The following NRP1 variants were observed in gnomAD, a reference collection of about 807,000 sequenced individuals.
The protein encoded by NRP1 is neuropilin-1.
A neutral mutation model predicts 106.7 loss-of-function variants in NRP1; 35 were observed. The observed-to-expected ratio is 0.33, with a 90% CI of 0.25 to 0.43. NRP1 has a LOEUF of 0.43. NRP1 is among the 20% of genes least tolerant of loss of function. The probability of loss-of-function intolerance (pLI) is 1.00; values close to 1 mark genes in which losing one functional copy is unlikely to be tolerated. For missense variants in NRP1, 1,024 were observed against 1,170.4 expected (o/e 0.87, Z 1.83); for synonymous variants, 437 against 417.9 (o/e 1.05, Z -0.56).
chr10:33,314,028 CTCTT>C (rs1466825213), intron 2 of NRP1, among the ~76,000 whole-genome samples: 1 of 147,342 alleles, frequency 6.8e-6, no homozygotes, highest in Non-Finnish European at 1.5e-5. Context: ...TTCTCTCTCT[CTCTT>C]TCTCTCTCTC....
chr10:33,279,892 C>T (rs150836595), intron 2 of NRP1, among the ~76,000 whole-genome samples: 11 of 152,260 alleles, frequency 7.2e-5, no homozygotes, highest in African/African-American at 2.6e-4. Flanking sequence ...TCAATGTCCT[C>T]TCATCATAGT....
rs201182512 is a variant in NRP1, at chr10:33,330,773, C to T, written c.183G>A (p.Pro61=). The T allele has an allele frequency of 5.0e-6, 8 of 1,613,696 alleles. No individual in the cohort carries two copies. The South Asian group carries it at 6.6e-5, about 13-fold the overall frequency. The change falls in exon 2 of 17, where the codon CCG becomes CCA. Residue 61 remains proline, a synonymous_variant. Coordinates refer to ENST00000374867, the MANE Select transcript of NRP1 (RefSeq NM_003873.7). ...SEKCEWLIQA[P]DPYQRIMINF... ...TGATCATAATTCTCTGGTATGGGTC[C>T]GGAGCCTGAATCAGCCATTCGCATT...
At chr10:33,199,375 A>G (rs1292977822) in intron 11 of NRP1, among the ~76,000 whole-genome samples, 1 of 48,596 alleles carries the variant, frequency 2.1e-5, no homozygotes, top group Non-Finnish European at 3.8e-5. Context: ...TTCTATATAT[A>G]TATATATATA....
At chr10:33,189,194 T>C (rs1270368584) in intron 13 of NRP1, among the ~76,000 whole-genome samples, 1 of 151,894 alleles carries the variant, frequency 6.6e-6, no homozygotes, top group Non-Finnish European at 1.5e-5. Flanking sequence ...AAACTTCTGC[T>C]CTACTCAGTG....
In NRP1 at chr10:33,193,451, C is replaced by T. The variant is rs1002806937; in HGVS notation, c.1925-1033G>A. Among the ~76,000 whole-genome samples the T allele has an allele frequency of 6.6e-5, 10 of 152,318 alleles. No homozygotes were observed. The South Asian group carries it at 1.0e-3, about 16-fold the overall frequency. On this transcript the variant is annotated intron_variant, in intron 12 of 16. Coordinates refer to ENST00000374867, the MANE Select transcript of NRP1 (RefSeq NM_003873.7). Reference sequence around the variant, plus strand: ...CCTCCTTTCGTCCTCCTATAAAGAACGAAGCCCGCAGATGCAGCTGTTTTC... The same window carrying T: ...CCTCCTTTCGTCCTCCTATAAAGAATGAAGCCCGCAGATGCAGCTGTTTTC...
intron 12 of NRP1, 52 bp from the exon 13 acceptor site, chr10:33,192,470 G>A: frequency 3.1e-6 from 5 of 1,597,188 alleles, no homozygotes; most frequent in Non-Finnish European, 4.3e-6. Context: ...AGGCAAATTT[G>A]ATCATTTAGG....
intron 14 of NRP1, among the ~76,000 whole-genome samples, chr10:33,185,934 G>C (rs946971757): frequency 1.3e-5 from 2 of 152,130 alleles, no homozygotes; most frequent in Non-Finnish European, 2.9e-5. Context: ...ACTTTAAAAC[G>C]GGAGAAAGCA....
At chr10:33,315,982 G>A (rs1847003721) in intron 2 of NRP1, among the ~76,000 whole-genome samples, 1 of 152,200 alleles carries the variant, frequency 6.6e-6, no homozygotes, top group South Asian at 2.1e-4. Flanking sequence ...TAAGGCCAGA[G>A]AGAAGGCCTT....
At chr10:33,302,921 A>T (rs942545411) in intron 2 of NRP1, among the ~76,000 whole-genome samples, 20 of 152,208 alleles carry the variant, frequency 1.3e-4, no homozygotes, top group Admixed American at 6.5e-5. Context: ...TGGAGACATC[A>T]TTCCATGTAA....
intron 8 of NRP1, among the ~76,000 whole-genome samples, chr10:33,215,418 C>T (rs1450075595): frequency 6.6e-6 from 1 of 152,176 alleles, no homozygotes; most frequent in East Asian, 1.9e-4. Flanking sequence ...AGGCAATGAA[C>T]AGCATCATAG....
chr10:33,275,557 G>C (rs1232976441), intron 2 of NRP1, among the ~76,000 whole-genome samples: 1 of 151,716 alleles, frequency 6.6e-6, no homozygotes, highest in African/African-American at 2.4e-5. Context: ...AACAGAGCGA[G>C]ACTTTGTCTC....
chr10:33,250,873 C>T (rs1223095782), intron 6 of NRP1, among the ~76,000 whole-genome samples: 1 of 152,216 alleles, frequency 6.6e-6, no homozygotes, highest in Non-Finnish European at 1.5e-5. Context: ...TCTCCTCCCT[C>T]TAGCCAGGTG....
intron 2 of NRP1, among the ~76,000 whole-genome samples, chr10:33,316,250 T>C (rs1847027561): frequency 6.6e-6 from 1 of 152,164 alleles, no homozygotes; most frequent in South Asian, 2.1e-4. Context: ...AGGAGAGACA[T>C]CGTAGATAGA....
rs1800355918 is a variant in NRP1 at position 33,330,865 on chromosome 10, T to G, written c.91A>C (p.Ile31Leu). 10 of 1,606,674 alleles carry G rather than the reference T, an allele frequency of 6.2e-6. No homozygotes were observed. The highest frequency in any genetic ancestry group is 7.7e-6 in the Non-Finnish European group (9 of 1,175,358). ...AGGTACCCGGGGCTTTCAATTTTTATAGTATCGCCACATTTATCTGCAATG... is the reference window on the plus strand; with the variant it reads ...AGGTACCCGGGGCTTTCAATTTTTAGAGTATCGCCACATTTATCTGCAATG... ...AFRNDKCGDT[I>L]KIESPGYLTS... The change falls in exon 2 of 17, where the codon ATA becomes CTA. Residue 31 changes from isoleucine to leucine, a missense_variant. By Grantham distance (5) the Ile-to-Leu change is conservative (BLOSUM62 2). Transcript: ENST00000374867.
Position 33,186,456 on chromosome 10 carries a change from C to T in NRP1, c.2095G>A (p.Glu699Lys), listed in dbSNP as rs139081795. 1.3e-5 allele frequency: 21 copies of T among 1,613,600 alleles called. No individual in the cohort carries two copies. Among genetic ancestry groups the T allele is most frequent in the Middle Eastern group, 1.6e-4 (1 of 6,080 alleles). ...DGNFIYSQAD[E>K]NQKGKVARLV... ...CGAGCCACTTTGCCCTTCTGATTTT[C>T]GTCAGCTTGGGAATAGATGAAGTTG... Residue 699 changes from glutamate (E) to lysine (K), a missense_variant, in exon 14 of 17, where the codon GAA becomes AAA. Coordinates refer to ENST00000374867, the MANE Select transcript of NRP1 (RefSeq NM_003873.7).
At chr10:33,312,375 T>C (rs1846668721) in intron 2 of NRP1, among the ~76,000 whole-genome samples, 1 of 152,242 alleles carries the variant, frequency 6.6e-6, no homozygotes, top group Non-Finnish European at 1.5e-5. Flanking sequence ...ATTTTGGGCA[T>C]TTCCTTTAAA....
chr10:33,189,602 T>C (rs1836270708), intron 13 of NRP1, among the ~76,000 whole-genome samples: 1 of 152,238 alleles, frequency 6.6e-6, no homozygotes, highest in South Asian at 2.1e-4. Context: ...ACTTGTTCAC[T>C]GAACCAGGGA....
chr10:33,179,887 T>G lies in NRP1; in HGVS notation c.*189A>C. On this transcript the variant is annotated 3_prime_UTR_variant, in exon 17 of 17. Coordinates refer to ENST00000374867, the MANE Select transcript of NRP1 (RefSeq NM_003873.7). ...CAACAGGAAAAAAGCTGACTGCACA[T>G]GAGTCCGATGGTGAACACAGCTCCT... The G allele has an allele frequency of 4.7e-6, 3 of 633,806 alleles. No homozygotes were observed. The highest frequency in any genetic ancestry group is 8.4e-6 in the Non-Finnish European group (3 of 358,406). The allele number at this position is 633,806 out of a possible 1,614,324, so 39.3% of individuals were successfully genotyped here. A position where few individuals can be genotyped will look rare whatever the true frequency, so the allele number is the denominator to read the frequency against.
chr10:33,287,971 G>A (rs766403358), intron 2 of NRP1, among the ~76,000 whole-genome samples: 8 of 152,254 alleles, frequency 5.3e-5, no homozygotes, highest in East Asian at 3.9e-4. Context: ...GTGTGAGCCC[G>A]AGCTTTTCTG....
Sources: gnomAD v4.1 joint callset for allele counts (sites outside exome capture counted in the v4.1 genomes callset) on GRCh38, gnomAD v4.1.1 for gene constraint, MANE v1.5 for transcripts, NCBI Gene and HGNC (gene_info 2026-07-23, HGNC 2026-07-21) for gene names.